The following FAM133A variants were observed in gnomAD, a reference collection of about 807,000 sequenced individuals.
The protein encoded by FAM133A is family with sequence similarity 133 member A.
For synonymous variants in FAM133A, 65 were observed against 58.6 expected (o/e 1.11, Z -0.50); for missense variants, 159 against 164.4 (o/e 0.97, Z 0.18).
At chrX:93,699,247 G>A (rs142313398) in intron 3 of FAM133A, among the ~76,000 whole-genome samples, 36 of 111,148 alleles carry the variant, frequency 3.2e-4, no homozygotes, top group East Asian at 1.7e-3. Flanking sequence ...TCTTGACTTC[G>A]TGTGTTTGGC....
upstream of FAM133A, chrX:93,674,140 C>G (rs1022313146): frequency 9.0e-6 from 1 of 110,503 alleles, no homozygotes; most frequent in Non-Finnish European, 1.9e-5. Context: ...AGGGGAGAGT[C>G]GGTTATTGGC....
At position 93,710,014 on chromosome X, in the gene FAM133A, G is replaced by A; in HGVS notation, c.595G>A (p.Asp199Asn). ...PLSSESSSES[D>N]YEEDVQAKKK... ...ATCATCTGAGTCCTCATCTGAATCA[G>A]ATTATGAAGAGGATGTGCAAGCAAA... is the stretch of plus-strand genomic sequence containing the variant. The change falls in exon 4 of 4, where the codon GAT (aspartate) becomes AAT (asparagine). Residue 199 changes from aspartate to asparagine, a missense_variant. Physicochemically the swap from Asp to Asn is conservative, Grantham distance 23. Coordinates refer to ENST00000683942, the MANE Select transcript of FAM133A (RefSeq NM_001171109.2). 2.5e-6 allele frequency: 3 copies of A among 1,205,296 alleles called. No homozygotes were observed. The highest frequency in any genetic ancestry group is 3.4e-6 in the Non-Finnish European group (3 of 892,815).
chrX:93,695,720 C>A (rs1391851513), intron 2 of FAM133A, among the ~76,000 whole-genome samples: 23 of 96,101 alleles, frequency 2.4e-4, no homozygotes, highest in African/African-American at 7.7e-4. Context: ...CTGCTCACTG[C>A]AAGCTCCGCC....
At chrX:93,703,918 A>G (rs758848703) in intron 3 of FAM133A, among the ~76,000 whole-genome samples, 92 of 111,993 alleles carry the variant, frequency 8.2e-4, no homozygotes, top group Non-Finnish European at 1.4e-3. Context: ...AGAATGACAA[A>G]TGCTCCATGA....
intron 3 of FAM133A, among the ~76,000 whole-genome samples, chrX:93,700,386 A>G (rs1261891502): frequency 9.3e-6 from 1 of 108,012 alleles, no homozygotes; most frequent in African/African-American, 3.3e-5. Context: ...TAGGATCTCA[A>G]TAAAAATTTG....
At chrX:93,704,102 T>C in intron 3 of FAM133A, among the ~76,000 whole-genome samples, 1 of 111,664 alleles carries the variant, frequency 9.0e-6, no homozygotes, top group Non-Finnish European at 1.9e-5. Flanking sequence ...AAAAAGGATA[T>C]TATATTACAC....
chrX:93,688,801 G>C lies in FAM133A; in HGVS notation c.-192-9596G>C, dbSNP rs1209296693. ...TAGGAGTAGCTCACAATCTAATTTA[G>C]GAGAGAAAAAAATACAAGTATGAGA... On this transcript the variant is annotated intron_variant, in intron 2 of 3. Coordinates refer to ENST00000683942, the MANE Select transcript of FAM133A (RefSeq NM_001171109.2). Among the ~76,000 whole-genome samples the C allele has an allele frequency of 3.6e-5, 4 of 109,627 alleles. No individual in the cohort carries two copies. In the East Asian group the frequency reaches 1.2e-3, roughly 32 times the overall value.
At chrX:93,676,789 T>G (rs2147573593) in intron 2 of FAM133A, among the ~76,000 whole-genome samples, 1 of 110,866 alleles carries the variant, frequency 9.0e-6, no homozygotes, top group Non-Finnish European at 1.9e-5. Flanking sequence ...AATCAACAAT[T>G]GTTATTTTCA....
At chrX:93,684,869 A>G (rs1925410434) in intron 2 of FAM133A, among the ~76,000 whole-genome samples, 1 of 112,325 alleles carries the variant, frequency 8.9e-6, no homozygotes, top group Non-Finnish European at 1.9e-5. Flanking sequence ...TAGTGTTTCA[A>G]TTACTACTTT....
intron 2 of FAM133A, among the ~76,000 whole-genome samples, chrX:93,680,701 T>A (rs145017011): frequency 0.01 from 1,169 of 111,920 alleles, 22 homozygotes; most frequent in African/African-American, 0.037. Context: ...ATTAGTGATG[T>A]CAAGTATTTT....
chrX:93,682,072 A>G (rs186614860), intron 2 of FAM133A, among the ~76,000 whole-genome samples: 2 of 111,510 alleles, frequency 1.8e-5, no homozygotes, highest in African/African-American at 6.5e-5. Context: ...ATTTTTAGTG[A>G]TACTTCACTG....
At chrX:93,703,876 G>A (rs1440731152) in intron 3 of FAM133A, among the ~76,000 whole-genome samples, 1 of 112,185 alleles carries the variant, frequency 8.9e-6, no homozygotes, top group African/African-American at 3.2e-5. Flanking sequence ...GAAGAAAGAG[G>A]AAGAGATATT....
chrX:93,697,181 A>ATATATATAT (rs1556031162), intron 2 of FAM133A, among the ~76,000 whole-genome samples: 52 of 76,033 alleles, frequency 6.8e-4, no homozygotes, highest in African/African-American at 2.0e-3. Context: ...ATATATATAT[A>ATATATATAT]TATATATATA....
rs1164708651 is a variant in FAM133A at position 93,710,817 on chromosome X, C to G, written c.*651C>G. 1 of 122,742 alleles carries G rather than the reference C, an allele frequency of 8.1e-6. No individual in the cohort carries two copies. Among genetic ancestry groups the G allele is most frequent in the Non-Finnish European group, 1.9e-5 (1 of 53,143 alleles). The allele number at this position is 122,742 out of a possible 1,213,427, so 10.1% of individuals were successfully genotyped here. A position where few individuals can be genotyped will look rare whatever the true frequency, so the allele number is the denominator to read the frequency against. On this transcript the variant is annotated 3_prime_UTR_variant, in exon 4 of 4. Coordinates refer to ENST00000683942, the MANE Select transcript of FAM133A (RefSeq NM_001171109.2). Reference sequence around the variant, plus strand: ...GAACAAGAAGGACAGGAGTTTACAGCATAAGTAAGCCCCCATATCTATGAA... The same window carrying G: ...GAACAAGAAGGACAGGAGTTTACAGGATAAGTAAGCCCCCATATCTATGAA...
intron 2 of FAM133A, among the ~76,000 whole-genome samples, chrX:93,678,031 T>C (rs1385167427): frequency 8.9e-6 from 1 of 112,129 alleles, no homozygotes; most frequent in African/African-American, 3.2e-5. Flanking sequence ...GTGCTCACAT[T>C]TGATATGGGC....
chrX:93,687,330 A>T lies in FAM133A; in HGVS notation c.-192-11067A>T, dbSNP rs182459496. On this transcript the variant is annotated intron_variant, in intron 2 of 3. Transcript: ENST00000683942. ...AAGAATGATATAATGGACTTTGAGG[A>T]CTCGGATGGAGGGGTGGGAAGAGGT... 1.7e-4 allele frequency among the ~76,000 whole-genome samples: 19 copies of T among 110,572 alleles called. No homozygotes were observed. In the Admixed American group the frequency reaches 1.7e-3, roughly 10 times the overall value.
chrX:93,681,003 G>A (rs759523485), intron 2 of FAM133A, among the ~76,000 whole-genome samples: 7 of 110,831 alleles, frequency 6.3e-5, no homozygotes, highest in Admixed American at 1.9e-4. Context: ...TACAAACAGC[G>A]TACATTTTTC....
At chrX:93,689,680 A>T (rs990832711) in intron 2 of FAM133A, among the ~76,000 whole-genome samples, 3 of 110,609 alleles carry the variant, frequency 2.7e-5, no homozygotes, top group Non-Finnish European at 5.7e-5. Flanking sequence ...GAAAAAATGC[A>T]TATGTAAATT....
intron 2 of FAM133A, among the ~76,000 whole-genome samples, chrX:93,684,411 T>C (rs1011172716): frequency 7.1e-5 from 8 of 112,225 alleles, no homozygotes; most frequent in African/African-American, 2.6e-4. Flanking sequence ...AAATCAGTTA[T>C]TGAAACATTT....
Sources: gnomAD v4.1 joint callset for allele counts (sites outside exome capture counted in the v4.1 genomes callset) on GRCh38, gnomAD v4.1.1 for gene constraint, MANE v1.5 for transcripts, NCBI Gene and HGNC (gene_info 2026-07-23, HGNC 2026-07-21) for gene names.